Variants in KCNIP4 observed in about 807,000 individuals in gnomAD.
The protein encoded by KCNIP4 is Kv channel-interacting protein 4.
KCNIP4 carries 12 observed loss-of-function variants against 34.0 expected under a neutral mutation model. That is an observed-to-expected ratio of 0.35 (90% CI 0.23 to 0.57). The LOEUF (loss-of-function observed/expected upper bound fraction) is 0.57, where lower values mean the gene tolerates loss of function less well. Ranked by LOEUF, KCNIP4 falls within the 20% of genes least tolerant of loss-of-function variation. The pLI is 0.83. For missense variants in KCNIP4, 238 were observed against 311.7 expected (o/e 0.76, Z 1.78); for synonymous variants, 124 against 102.2 (o/e 1.21, Z -1.29).
chr4:21,238,413 T>C (rs953080109), intron 1 of KCNIP4, among the ~76,000 whole-genome samples: 9 of 152,168 alleles, frequency 5.9e-5, no homozygotes, highest in African/African-American at 2.2e-4. Context: ...TAAAGGGTAT[T>C]CAATTAGGAA....
intron 1 of KCNIP4, among the ~76,000 whole-genome samples, chr4:21,739,394 A>C (rs1443708768): frequency 6.6e-6 from 1 of 152,092 alleles, no homozygotes; most frequent in Non-Finnish European, 1.5e-5. Flanking sequence ...TCAGGATTTG[A>C]AAATTGAATC....
intron 1 of KCNIP4, among the ~76,000 whole-genome samples, chr4:20,923,786 T>C (rs1194424057): frequency 6.6e-6 from 1 of 152,188 alleles, no homozygotes; most frequent in East Asian, 1.9e-4. Flanking sequence ...AAATGGCTAC[T>C]GTATCTTTAG....
intron 1 of KCNIP4, among the ~76,000 whole-genome samples, chr4:21,384,786 A>C (rs1024379106): frequency 1.3e-5 from 2 of 152,252 alleles, no homozygotes; most frequent in African/African-American, 4.8e-5. Context: ...CCACATCTAC[A>C]TCACATAGAG....
chr4:21,662,535 A>C (rs1340173849), intron 1 of KCNIP4, among the ~76,000 whole-genome samples: 1 of 152,254 alleles, frequency 6.6e-6, no homozygotes, highest in Non-Finnish European at 1.5e-5. Context: ...TAATGACAGA[A>C]GCACAAAAGC....
intron 1 of KCNIP4, among the ~76,000 whole-genome samples, chr4:21,921,025 A>G (rs1259774245): frequency 6.6e-6 from 1 of 152,138 alleles, no homozygotes; most frequent in East Asian, 1.9e-4. Context: ...GGCCAGCTTT[A>G]CAAGATATTT....
intron 1 of KCNIP4, among the ~76,000 whole-genome samples, chr4:21,128,759 C>T (rs896847831): frequency 1.3e-5 from 2 of 152,148 alleles, no homozygotes; most frequent in Admixed American, 6.5e-5. Context: ...GTAAGGAGCA[C>T]TATGATTATG....
At chr4:21,373,307 A>C (rs1390162849) in intron 1 of KCNIP4, among the ~76,000 whole-genome samples, 2 of 146,684 alleles carry the variant, frequency 1.4e-5, no homozygotes, top group Non-Finnish European at 2.9e-5. Flanking sequence ...TGGGTAATAC[A>C]TAATCTGTCT....
chr4:21,380,839 GACAC>G (rs34138343), intron 1 of KCNIP4, among the ~76,000 whole-genome samples: 3 of 149,696 alleles, frequency 2.0e-5, no homozygotes, highest in Non-Finnish European at 4.5e-5. Context: ...TTCCATTGGT[GACAC>G]ACACACACAC....
intron 1 of KCNIP4, among the ~76,000 whole-genome samples, chr4:21,027,352 C>T (rs549224712): frequency 1.1e-4 from 16 of 152,060 alleles, no homozygotes; most frequent in South Asian, 8.3e-4. Flanking sequence ...GTCTTAAATA[C>T]TTACTCTCTT....
chr4:21,898,248 G>T (rs947646904), intron 1 of KCNIP4, among the ~76,000 whole-genome samples: 5 of 152,118 alleles, frequency 3.3e-5, no homozygotes, highest in Admixed American at 3.3e-4. Context: ...CTGGTGCTGT[G>T]CTGGGCTTGG....
At chr4:21,484,342 G>T (rs970603416) in intron 1 of KCNIP4, among the ~76,000 whole-genome samples, 1 of 151,660 alleles carries the variant, frequency 6.6e-6, no homozygotes, top group East Asian at 1.9e-4. Flanking sequence ...CAGGAGAATC[G>T]ATTGAACCTG....
At chr4:20,877,823 G>T (rs1173984324) in intron 2 of KCNIP4, among the ~76,000 whole-genome samples, 1 of 152,042 alleles carries the variant, frequency 6.6e-6, no homozygotes. Context: ...GTTCTTTTGG[G>T]TATAAGTTTT....
intron 1 of KCNIP4, among the ~76,000 whole-genome samples, chr4:21,130,228 C>T (rs1750958263): frequency 6.6e-6 from 1 of 152,074 alleles, no homozygotes; most frequent in African/African-American, 2.4e-5. Context: ...GTTGCAGATA[C>T]CTAGGCATCA....
At chr4:21,868,830 C>T (rs6839776) in intron 1 of KCNIP4, among the ~76,000 whole-genome samples, 15,874 of 152,044 alleles carry the variant, frequency 0.1, 831 homozygotes, top group Middle Eastern at 0.13. Context: ...GAACATAATG[C>T]CATAAAGAAA....
Position 21,908,924 on chromosome 4 carries a change from C to G in KCNIP4, c.61+39647G>C, listed in dbSNP as rs1204106227. Reference sequence around the variant, plus strand: ...GTCAACTATGTTATAACTGGTTCTACAACTCTGAGTTTGTGTGTTATGGGA... The same window carrying G: ...GTCAACTATGTTATAACTGGTTCTAGAACTCTGAGTTTGTGTGTTATGGGA... On this transcript the variant is annotated intron_variant, in intron 1 of 8. Transcript: ENST00000382152. 2.0e-5 allele frequency among the ~76,000 whole-genome samples: 3 copies of G among 152,094 alleles called. No homozygotes were observed. In the East Asian group the frequency reaches 5.8e-4, roughly 29 times the overall value.
chr4:21,891,076 G>A (rs913897963), intron 1 of KCNIP4, among the ~76,000 whole-genome samples: 2 of 152,034 alleles, frequency 1.3e-5, no homozygotes, highest in African/African-American at 2.4e-5. Flanking sequence ...TCCAAGGGAC[G>A]GGCTGGAGGT....
chr4:20,782,077 A>G (rs1231314507), intron 3 of KCNIP4, among the ~76,000 whole-genome samples: 4 of 152,160 alleles, frequency 2.6e-5, no homozygotes, highest in African/African-American at 9.7e-5. Context: ...TCAAATTTTA[A>G]AGCTCCAAAA....
rs77552688 is a variant in KCNIP4, at chr4:21,706,819, T to C, written c.61+241752A>G. On this transcript the variant is annotated intron_variant, in intron 1 of 8. Transcript: ENST00000382152. The stretch of plus-strand genomic sequence containing the variant: ...TTGTCACAAGTTGCAAAATTAAACA[T>C]GTGCAGCATAAAAATAGCACACCAT... Among the ~76,000 whole-genome samples the C allele has an allele frequency of 4.9e-4, 75 of 152,252 alleles. No individual in the cohort carries two copies. The East Asian group carries it at 0.014, about 27-fold the overall frequency.
chr4:20,965,629 G>A (rs974007206), intron 1 of KCNIP4, among the ~76,000 whole-genome samples: 4 of 152,238 alleles, frequency 2.6e-5, no homozygotes, highest in African/African-American at 9.6e-5. Context: ...ATGGAAAAAT[G>A]TATCTACTCA....
Sources: allele counts gnomAD v4.1 joint callset (sites outside exome capture counted in the v4.1 genomes callset), GRCh38; gene constraint gnomAD v4.1.1; transcripts MANE v1.5; gene names NCBI Gene and HGNC (gene_info 2026-07-23, HGNC 2026-07-21).